CUL4B: variants seen among roughly 807,000 people sequenced by gnomAD.
CUL4B encodes cullin 4B, also known as cullin-4B.
Under a neutral mutation model 69.2 loss-of-function variants are expected in CUL4B, and 1 was observed. The ratio of observed to expected loss-of-function variants is 0.01; its 90% CI spans 0.01 to 0.07. CUL4B has a LOEUF of 0.07. CUL4B is among the 10% of genes least tolerant of loss of function. The pLI is 1.00. For missense variants in CUL4B, 328 were observed against 638.8 expected (o/e 0.51, Z 5.24); for synonymous variants, 237 against 223.2 (o/e 1.06, Z -0.55).
intron 11 of CUL4B, among the ~76,000 whole-genome samples, chrX:120,539,772 T>C (rs1459063298): frequency 8.9e-6 from 1 of 112,292 alleles, no homozygotes; most frequent in Non-Finnish European, 1.9e-5. Flanking sequence ...ACATTACTTT[T>C]CTATTAAAAT....
In CUL4B at chrX:120,538,163, G is replaced by A. The variant is rs749631148; in HGVS notation, c.1899C>T (p.Asp633=). 55 of 1,201,334 alleles carry A rather than the reference G, an allele frequency of 4.6e-5. No individual in the cohort carries two copies. In the South Asian group the frequency reaches 8.8e-4, roughly 19 times the overall value. The part of the protein sequence containing the change: ...FTSKLEGMFK[D]MELSKDIMIQ... ...TCATGATGTCTTTAGAAAGTTCCAT[G>A]TCTTTAAACATTCCTTCAAGTTTGC... Residue 633 remains aspartate, a synonymous_variant, in exon 14 of 20, where the codon GAC becomes GAT. Transcript: ENST00000371322.
intron 19 of CUL4B, among the ~76,000 whole-genome samples, chrX:120,527,707 G>C (rs1390343864): frequency 8.9e-6 from 1 of 111,855 alleles, no homozygotes; most frequent in Non-Finnish European, 1.9e-5. Flanking sequence ...ACAAAGTTTT[G>C]ACTGCAACCT....
intron 9 of CUL4B, among the ~76,000 whole-genome samples, chrX:120,542,009 A>T (rs1569390375): frequency 9.0e-6 from 1 of 111,146 alleles, no homozygotes; most frequent in African/African-American, 3.3e-5. Flanking sequence ...CAGGAGGATC[A>T]ATTGAAGCCA....
At chrX:120,528,707 C>A (rs749216323) in intron 19 of CUL4B, among the ~76,000 whole-genome samples, 1 of 110,632 alleles carries the variant, frequency 9.0e-6, no homozygotes, top group Non-Finnish European at 1.9e-5. Context: ...GATGACAGAG[C>A]GAGACTCCAT....
rs959954184 is a variant in CUL4B at position 120,524,672 on chromosome X, G to C, written c.*2089C>G. 9.0e-6 allele frequency: 1 copy of C among 111,576 alleles called. No individual in the cohort carries two copies. The highest frequency in any genetic ancestry group is 3.3e-5 in the African/African-American group (1 of 30,696). 9.2% of individuals were successfully genotyped at this position (111,576 alleles called of 1,213,427 possible). A position where few individuals can be genotyped will look rare whatever the true frequency, so the allele number is the denominator to read the frequency against. On this transcript the variant is annotated 3_prime_UTR_variant, in exon 20 of 20. Coordinates refer to ENST00000371322, the MANE Select transcript of CUL4B (RefSeq NM_001079872.2). ...AACCACCACGTACACAGGGAAAAGA[G>C]CACAAAAATTCAACTGATACAGAAC... is the stretch of plus-strand genomic sequence containing the variant.
chrX:120,531,352 C>T (rs1191125396), intron 18 of CUL4B, among the ~76,000 whole-genome samples: 2 of 108,558 alleles, frequency 1.8e-5, no homozygotes, highest in East Asian at 5.7e-4. Context: ...TCAAATATTG[C>T]ATTAAACCTT....
intron 2 of CUL4B, among the ~76,000 whole-genome samples, chrX:120,574,100 GC>G (rs1925791816): frequency 1.5e-5 from 1 of 65,752 alleles, no homozygotes; most frequent in Non-Finnish European, 2.9e-5. Flanking sequence ...CCCATCACCT[GC>G]CCCCCTCTGC....
At chrX:120,538,807 A>G (rs747039580) in intron 12 of CUL4B, 37 bp from the exon 13 acceptor site, 15 of 947,857 alleles carry the variant, frequency 1.6e-5, no homozygotes, top group Non-Finnish European at 2.3e-5. Flanking sequence ...TAATATTCCA[A>G]TAAAAAGTAC....
At chrX:120,539,485 T>C (rs1256122941) in intron 11 of CUL4B, 113 bp from the exon 12 acceptor site, 3 of 437,239 alleles carry the variant, frequency 6.9e-6, no homozygotes, top group Non-Finnish European at 1.2e-5. Context: ...ACTTCAGAAA[T>C]TTATATGCAT....
At chrX:120,572,486 A>G (rs1228255573) in intron 2 of CUL4B, among the ~76,000 whole-genome samples, 1 of 107,880 alleles carries the variant, frequency 9.3e-6, no homozygotes, top group South Asian at 4.0e-4. Context: ...AAAAAAAAGA[A>G]AAAGAAAAGA....
chrX:120,559,625 T>C (rs978262528), intron 1 of CUL4B, among the ~76,000 whole-genome samples: 3 of 112,306 alleles, frequency 2.7e-5, no homozygotes, highest in Non-Finnish European at 5.6e-5. Context: ...TAATTATAAA[T>C]CTTATTTGAG....
In CUL4B at chrX:120,532,445, T is replaced by C; in HGVS notation, c.2416A>G (p.Asn806Asp). The C allele has an allele frequency of 8.3e-7, 1 of 1,204,269 alleles. No individual in the cohort carries two copies. Among genetic ancestry groups the C allele is most frequent in the Non-Finnish European group, 1.1e-6 (1 of 889,025 alleles). Residue 806 changes from asparagine (N) to aspartate (D), a missense_variant, in exon 18 of 20, where the codon AAT becomes GAT. Physicochemically the swap from Asn to Asp is conservative, Grantham distance 23. Around this residue, in one of 4 missense-constraint regions of CUL4B, gnomAD observed 98 missense variants for 296.8 expected, o/e 0.33. Coordinates refer to ENST00000371322, the MANE Select transcript of CUL4B (RefSeq NM_001079872.2). ...ACCGTTTCTTTCATCTGGATTTGAT[T>C]GATCTTTATCCTGAAAAGTTTATGT... ...FKHKLFRIKI[N>D]QIQMKETVEE...
chrX:120,567,439 T>A (rs1435216090), downstream of CUL4B, among the ~76,000 whole-genome samples: 1 of 110,594 alleles, frequency 9.0e-6, no homozygotes, highest in East Asian at 2.8e-4. Flanking sequence ...AATTTAGATT[T>A]AAATCCAGGG....
chrX:120,534,357 T>TAA, intron 17 of CUL4B, 124 bp downstream of exon 17: 4 of 494,492 alleles, frequency 8.1e-6, no homozygotes, highest in East Asian at 3.7e-5. Flanking sequence ...CCTGTCTCAT[T>TAA]AAAAAAAAAG....
rs1016175252 is a variant in CUL4B, at chrX:120,528,657, G to A, written c.2592+1445C>T. 1.4e-3 allele frequency among the ~76,000 whole-genome samples: 154 copies of A among 110,735 alleles called. 1 individual carries two copies. Among genetic ancestry groups the A allele is most frequent in the African/African-American group, 4.8e-3 (145 of 30,490 alleles). ...AATTGCTTGAACCCGGGAGGCAGAC[G>A]CTGCAGTGAGCCAAGATCATGCCAC... On this transcript the variant is annotated intron_variant, in intron 19 of 19. Coordinates refer to ENST00000371322, the MANE Select transcript of CUL4B (RefSeq NM_001079872.2).
At chrX:120,551,347 G>A (rs750062247) in intron 2 of CUL4B, among the ~76,000 whole-genome samples, 3 of 109,904 alleles carry the variant, frequency 2.7e-5, no homozygotes, top group Non-Finnish European at 5.7e-5. Flanking sequence ...ACAAGCATGC[G>A]CCGCCACACT....
At chrX:120,559,716 G>A in intron 1 of CUL4B, 1 of 913,136 alleles carries the variant, frequency 1.1e-6, no homozygotes, top group Non-Finnish European at 1.4e-6. Context: ...AAAAATCCCA[G>A]CAATGCCAAG....
At chrX:120,556,490 G>C (rs926092832) in intron 2 of CUL4B, among the ~76,000 whole-genome samples, 13 of 111,458 alleles carry the variant, frequency 1.2e-4, no homozygotes, top group South Asian at 3.7e-4. Flanking sequence ...CAGCAACCTT[G>C]TGAGACAGGT....
chrX:120,544,122 CT>C lies in CUL4B; in HGVS notation c.1164del (p.Glu389LysfsTer15). 1 of 1,176,355 alleles carries C rather than the reference CT, an allele frequency of 8.5e-7. No individual in the cohort carries two copies. Among genetic ancestry groups the C allele is most frequent in the Non-Finnish European group, 1.2e-6 (1 of 863,681 alleles). On this transcript the variant is annotated frameshift_variant, in exon 7 of 20. Coordinates refer to ENST00000371322, the MANE Select transcript of CUL4B (RefSeq NM_001079872.2). LOFTEE classifies it high-confidence loss of function. ...TCATGATTTTTAAATACCTCTCTTT[CT>C]TGCATTAATTTTTGGCCTTCAGCTG... ...LYAAEGQKLM[Q>X]EREVPEYLHH... is the part of the protein sequence containing the mutation.
Sources: gnomAD v4.1 joint callset for allele counts (sites outside exome capture counted in the v4.1 genomes callset) on GRCh38, gnomAD v4.1.1 for gene constraint, gnomAD v4.1.1 regional missense constraint, MANE v1.5 for transcripts, NCBI Gene and HGNC (gene_info 2026-07-23, HGNC 2026-07-21) for gene names.